The following CFAP210 variants were observed in gnomAD, a reference collection of about 807,000 sequenced individuals.
CFAP210 encodes cilia and flagella associated protein 210.
At chr2:169,682,640 T>C in the CFAP210 span, among the ~76,000 whole-genome samples, 3 of 152,186 alleles carry the variant, frequency 2.0e-5, no homozygotes, top group African/African-American at 7.2e-5. Flanking sequence ...AAGTGAATTC[T>C]GCCTTCTGTC....
the CFAP210 span, chr2:169,648,038 C>A: frequency 3.8e-5 from 6 of 159,682 alleles, no homozygotes; most frequent in Non-Finnish European, 1.4e-5. Context: ...CACCTGTAAT[C>A]CCAGCTACTT....
chr2:169,675,509 G>C, the CFAP210 span, among the ~76,000 whole-genome samples: 61,926 of 151,882 alleles, frequency 0.41, 12,912 homozygotes, highest in Non-Finnish European at 0.44. Flanking sequence ...GCAGGAGGTG[G>C]TACACACTTT....
At chr2:169,678,585 G>A in the CFAP210 span, among the ~76,000 whole-genome samples, 1 of 152,060 alleles carries the variant, frequency 6.6e-6, no homozygotes, top group Non-Finnish European at 1.5e-5. Context: ...GGCACTTTGG[G>A]AGGCCAAGGC....
the CFAP210 span, chr2:169,649,426 G>A: frequency 8.2e-5 from 108 of 1,324,452 alleles, 1 homozygote; most frequent in South Asian, 2.2e-4. Context: ...GAGTCAGAGA[G>A]TTGAAGCAGA....
At chr2:169,660,036 T>C in the CFAP210 span, among the ~76,000 whole-genome samples, 2 of 152,110 alleles carry the variant, frequency 1.3e-5, no homozygotes, top group Admixed American at 1.3e-4. Context: ...TCAGGTCTTC[T>C]CTTTTTTTCT....
the CFAP210 span, among the ~76,000 whole-genome samples, chr2:169,664,445 T>C: frequency 2.6e-5 from 4 of 152,174 alleles, no homozygotes; most frequent in Non-Finnish European, 5.9e-5. Context: ...GTCTCTAAAG[T>C]CAGTTAAAAT....
chr2:169,655,508 A>G, the CFAP210 span, among the ~76,000 whole-genome samples: 1 of 152,234 alleles, frequency 6.6e-6, no homozygotes, highest in African/African-American at 2.4e-5. Flanking sequence ...AGCAAACAGC[A>G]AACTGTTAAA....
the CFAP210 span, among the ~76,000 whole-genome samples, chr2:169,690,612 G>A: frequency 3.2e-4 from 47 of 149,106 alleles, 1 homozygote; most frequent in East Asian, 3.3e-3. Context: ...GCAGTGAGCC[G>A]AGATCATGCC....
the CFAP210 span, among the ~76,000 whole-genome samples, chr2:169,646,654 C>T: frequency 6.6e-6 from 1 of 152,202 alleles, no homozygotes; most frequent in Non-Finnish European, 1.5e-5. Context: ...AAACCATTTA[C>T]ATTATCTATT....
chr2:169,685,324 C>T, the CFAP210 span, among the ~76,000 whole-genome samples: 5,195 of 152,246 alleles, frequency 0.034, 287 homozygotes, highest in African/African-American at 0.12. Context: ...AGTAGTATCT[C>T]ACTGTAGTGT....
At chr2:169,683,289 A>G in the CFAP210 span, among the ~76,000 whole-genome samples, 1 of 152,178 alleles carries the variant, frequency 6.6e-6, no homozygotes, top group Non-Finnish European at 1.5e-5. Flanking sequence ...GACTAATCTA[A>G]CTCACAGCAG....
the CFAP210 span, chr2:169,661,117 G>A: frequency 1.8e-6 from 1 of 559,396 alleles, no homozygotes; most frequent in Non-Finnish European, 3.6e-6. Context: ...TTTTAATGCT[G>A]CTTCTAACCG....
the CFAP210 span, among the ~76,000 whole-genome samples, chr2:169,672,350 A>G: frequency 1.3e-5 from 2 of 152,210 alleles, no homozygotes; most frequent in African/African-American, 2.4e-5. Flanking sequence ...AAACAGAACC[A>G]AGAGGGTGTG....
the CFAP210 span, chr2:169,650,301 T>G: frequency 6.6e-7 from 1 of 1,525,600 alleles, no homozygotes. Flanking sequence ...TGTCTTTCTA[T>G]TTTTATTTTC....
chr2:169,680,157 T>A, the CFAP210 span, among the ~76,000 whole-genome samples: 1 of 152,326 alleles, frequency 6.6e-6, no homozygotes, highest in Admixed American at 6.5e-5. Context: ...CAGGAAGAGA[T>A]ATTCAACATC....
chr2:169,651,000 G>A, the CFAP210 span, among the ~76,000 whole-genome samples: 5 of 151,480 alleles, frequency 3.3e-5, no homozygotes, highest in African/African-American at 7.3e-5. Context: ...AGGCTGAGGC[G>A]AGCACATCAC....
chr2:169,683,488 G>A, the CFAP210 span, among the ~76,000 whole-genome samples: 12 of 152,204 alleles, frequency 7.9e-5, no homozygotes, highest in African/African-American at 2.6e-4. Flanking sequence ...ACCAAACAAC[G>A]GTCTCTAAGT....
the CFAP210 span, chr2:169,680,961 G>T: frequency 6.7e-7 from 1 of 1,488,372 alleles, no homozygotes; most frequent in Non-Finnish European, 9.3e-7. Context: ...TAAGAAACAA[G>T]AGTAAGTCTT....
At chr2:169,655,489 A>C in the CFAP210 span, among the ~76,000 whole-genome samples, 1 of 152,268 alleles carries the variant, frequency 6.6e-6, no homozygotes, top group Non-Finnish European at 1.5e-5. Context: ...GATCAATATG[A>C]AAAACTAAAG....
Sources: allele counts gnomAD v4.1 joint callset (sites outside exome capture counted in the v4.1 genomes callset), GRCh38; gene constraint gnomAD v4.1.1; transcripts MANE v1.5; gene names NCBI Gene and HGNC (gene_info 2026-07-23, HGNC 2026-07-21).